The following SLC39A12 variants were observed in gnomAD, a reference collection of about 807,000 sequenced individuals.
SLC39A12 encodes the protein zinc transporter ZIP12.
In SLC39A12, 63 loss-of-function variants were observed where a neutral mutation model predicts 71.1. The observed-to-expected ratio is 0.89, with a 90% confidence interval of 0.72 to 1.09. The LOEUF is 1.09. SLC39A12 is among the 50% of genes least tolerant of loss of function. The pLI, the probability that SLC39A12 is intolerant of heterozygous loss-of-function variation, is 0.00. For synonymous variants in SLC39A12, 351 were observed against 301.3 expected (o/e 1.16, Z -1.71); for missense variants, 892 against 812.6 (o/e 1.10, Z -1.19).
intron 2 of SLC39A12, among the ~76,000 whole-genome samples, chr10:17,956,928 A>G (rs1035787479): frequency 1.3e-5 from 2 of 152,320 alleles, no homozygotes; most frequent in East Asian, 3.9e-4. Flanking sequence ...GCCATCGGCA[A>G]CATCCTTCCA....
intron 9 of SLC39A12, among the ~76,000 whole-genome samples, chr10:17,994,617 A>G (rs976769810): frequency 6.6e-6 from 1 of 152,144 alleles, no homozygotes; most frequent in East Asian, 1.9e-4. Context: ...ACATAAAGGG[A>G]TCACAATGTT....
At chr10:18,022,581 T>C (rs1213622818) in intron 12 of SLC39A12, among the ~76,000 whole-genome samples, 1 of 152,248 alleles carries the variant, frequency 6.6e-6, no homozygotes, top group African/African-American at 2.4e-5. Flanking sequence ...AACTTCCTCT[T>C]GAATCTCGAT....
In SLC39A12 at chr10:18,041,816, C is replaced by CATAT. The variant is rs1240705860; in HGVS notation, c.1948-889_1948-888insATAT. On this transcript the variant is annotated intron_variant, in intron 12 of 12. Transcript: ENST00000377369. Reference sequence around the variant, plus strand: ...GTCTATATGTATATACATATGTATACGTATATGTATGTACATACATATGTA... The same window carrying CATAT: ...GTCTATATGTATATACATATGTATACATATGTATATGTATGTACATACATATGTA... 5.1e-3 allele frequency among the ~76,000 whole-genome samples: 666 copies of CATAT among 129,786 alleles called. 23 individuals are homozygous for CATAT. Among genetic ancestry groups the CATAT allele is most frequent in the African/African-American group, 0.018 (630 of 35,762 alleles). 85.1% of individuals were successfully genotyped at this position (129,786 alleles called of 152,430 possible).
Position 17,961,511 on chromosome 10 carries a change from G to T in SLC39A12, c.262-70G>T, listed in dbSNP as rs991465878. On this transcript the variant is annotated intron_variant, in intron 2 of 12. Coordinates refer to ENST00000377369, the MANE Select transcript of SLC39A12 (RefSeq NM_001145195.2). The stretch of plus-strand genomic sequence containing the variant: ...ATGATAAGCAATGAAGACCCTGGTG[G>T]TCATTAGTGTTCTGGAACTATTTTG... 40 of 1,427,852 alleles carry T rather than the reference G, an allele frequency of 2.8e-5. No individual in the cohort carries two copies. In the East Asian group the frequency reaches 8.2e-4, roughly 29 times the overall value. The allele number at this position is 1,427,852 out of a possible 1,614,324, so 88.4% of individuals were successfully genotyped here. A position where few individuals can be genotyped will look rare whatever the true frequency, so the allele number is the denominator to read the frequency against.
chr10:17,972,587 T>C (rs551414538), intron 4 of SLC39A12, among the ~76,000 whole-genome samples: 5 of 152,176 alleles, frequency 3.3e-5, no homozygotes, highest in African/African-American at 1.2e-4. Context: ...CATTATATAG[T>C]GACCTTTGTC....
chr10:18,014,390 T>C (rs1478394507), intron 12 of SLC39A12, among the ~76,000 whole-genome samples: 1 of 152,202 alleles, frequency 6.6e-6, no homozygotes, highest in African/African-American at 2.4e-5. Context: ...TAACAAATTA[T>C]TATTTAACAG....
intron 4 of SLC39A12, among the ~76,000 whole-genome samples, chr10:17,967,780 G>A (rs950950060): frequency 2.6e-5 from 4 of 151,128 alleles, no homozygotes; most frequent in Non-Finnish European, 4.4e-5. Flanking sequence ...CCAGCTACTC[G>A]GGAGGCTGAG....
chr10:17,969,544 A>G (rs954017811), intron 4 of SLC39A12, among the ~76,000 whole-genome samples: 1 of 152,180 alleles, frequency 6.6e-6, no homozygotes, highest in Admixed American at 6.5e-5. Flanking sequence ...ATGATCAGTG[A>G]CATTGAGCAC....
intron 10 of SLC39A12, among the ~76,000 whole-genome samples, chr10:17,999,228 G>A (rs1455753699): frequency 4.0e-5 from 6 of 149,736 alleles, no homozygotes; most frequent in Non-Finnish European, 8.9e-5. Flanking sequence ...CACAGAGGCG[G>A]AGGTTGTAGT....
rs1345232550 is a variant in SLC39A12, at chr10:18,035,677, T to G, written c.1948-7028T>G. Among the ~76,000 whole-genome samples the G allele has an allele frequency of 5.3e-5, 8 of 152,374 alleles. No homozygotes were observed. In the East Asian group the frequency reaches 9.6e-4, roughly 18 times the overall value. On this transcript the variant is annotated intron_variant, in intron 12 of 12. Transcript: ENST00000377369. ...AAAGTCATTCTCCATCCAGCTTTGT[T>G]CCGTTGCTGGTGAGGAACTGCGTTC...
At chr10:18,030,535 G>A (rs796497890) in intron 12 of SLC39A12, among the ~76,000 whole-genome samples, 1 of 151,806 alleles carries the variant, frequency 6.6e-6, no homozygotes. Context: ...CACCGTGCCC[G>A]GCCAAGTCTT....
At chr10:17,998,413 C>G (rs1274567446) in intron 10 of SLC39A12, among the ~76,000 whole-genome samples, 1 of 151,946 alleles carries the variant, frequency 6.6e-6, no homozygotes, top group Non-Finnish European at 1.5e-5. Flanking sequence ...TCAAATGTAT[C>G]ACTTTAAGTT....
intron 11 of SLC39A12, chr10:18,002,550 G>A (rs1330289980): frequency 6.6e-6 from 1 of 152,126 alleles, no homozygotes; most frequent in Admixed American, 6.6e-5. Flanking sequence ...TCCCCAAGCT[G>A]TCTATTGAAT....
Position 18,039,593 on chromosome 10 carries a change from T to C in SLC39A12, c.1948-3112T>C, listed in dbSNP as rs988007436. 2.0e-5 allele frequency among the ~76,000 whole-genome samples: 3 copies of C among 152,066 alleles called. No homozygotes were observed. In the East Asian group the frequency reaches 5.8e-4, roughly 29 times the overall value. On this transcript the variant is annotated intron_variant, in intron 12 of 12. Transcript: ENST00000377369. ...GAATTTTAAAATTAGCTGGGTAGGG[T>C]AGTATGCACCTGCAGTCTTAGCTAC...
intron 2 of SLC39A12, among the ~76,000 whole-genome samples, chr10:17,958,249 C>T (rs1554847960): frequency 6.6e-6 from 1 of 152,124 alleles, no homozygotes; most frequent in Admixed American, 6.5e-5. Flanking sequence ...ACATGTTCTG[C>T]CATGTGCTCA....
intron 8 of SLC39A12, among the ~76,000 whole-genome samples, 192 bp from the exon 9 acceptor site, chr10:17,992,989 A>T (rs1185652754): frequency 6.6e-6 from 1 of 152,220 alleles, no homozygotes; most frequent in African/African-American, 2.4e-5. Context: ...TGTAAAAACT[A>T]CCACTATTCA....
chr10:18,042,008 C>T (rs1011688950), intron 12 of SLC39A12, among the ~76,000 whole-genome samples: 19 of 151,398 alleles, frequency 1.3e-4, no homozygotes, highest in African/African-American at 4.6e-4. Flanking sequence ...TTTCTTCCTC[C>T]CTCCTCCCAT....
intron 1 of SLC39A12, among the ~76,000 whole-genome samples, chr10:17,952,477 C>T (rs1554847225): frequency 1.5e-5 from 2 of 135,832 alleles, no homozygotes. Context: ...CTTTTTTTTT[C>T]TTTTTTCTTT....
intron 4 of SLC39A12, among the ~76,000 whole-genome samples, chr10:17,968,139 G>C (rs1280897402): frequency 1.3e-5 from 2 of 149,942 alleles, no homozygotes; most frequent in Non-Finnish European, 3.0e-5. Context: ...GATTATTTTT[G>C]TATGATTTTT....
Sources: gnomAD v4.1 joint callset for allele counts (sites outside exome capture counted in the v4.1 genomes callset) on GRCh38, gnomAD v4.1.1 for gene constraint, MANE v1.5 for transcripts, NCBI Gene and HGNC (gene_info 2026-07-23, HGNC 2026-07-21) for gene names.